Variants in TNNI3K observed in about 807,000 individuals in gnomAD.
TNNI3K encodes TNNI3 interacting kinase.
A neutral mutation model predicts 114.5 loss-of-function variants in TNNI3K; 140 were observed. The ratio of observed to expected loss-of-function variants is 1.22; its 90% CI spans 1.07 to 1.41. The LOEUF is 1.41. TNNI3K is among the 40% of genes most tolerant of loss of function. The pLI, the probability that TNNI3K is intolerant of heterozygous loss-of-function variation, is 0.00. For synonymous variants in TNNI3K, 347 were observed against 347.5 expected (o/e 1.00, Z 0.02); for missense variants, 1,125 against 1,007.6 (o/e 1.12, Z -1.58).
chr1:74,436,501 A>G lies in TNNI3K; in HGVS notation c.1853A>G (p.Glu618Gly). Residue 618 changes from glutamate to glycine, a missense_variant, in exon 19 of 25, where the codon GAA becomes GGA. Coordinates refer to ENST00000326637, the MANE Select transcript of TNNI3K (RefSeq NM_015978.3). ...TCAAGATTTCTACAGTCTCTGGATGAAGACAACATGACAAAACAACCTGGG... is the reference window on the plus strand; with the variant it reads ...TCAAGATTTCTACAGTCTCTGGATGGAGACAACATGACAAAACAACCTGGG... ...GESRFLQSLD[E>G]DNMTKQPGNL... 6.3e-7 allele frequency: 1 copy of G among 1,587,490 alleles called. No individual in the cohort carries two copies. The highest frequency in any genetic ancestry group is 8.5e-7 in the Non-Finnish European group (1 of 1,173,252).
rs746671271 is a variant in TNNI3K, at chr1:74,436,123, G to A, written c.1816G>A (p.Asp606Asn). The A allele has an allele frequency of 6.2e-7, 1 of 1,605,728 alleles. No homozygotes were observed. Among genetic ancestry groups the A allele is most frequent in the Non-Finnish European group, 8.5e-7 (1 of 1,176,824 alleles). Reference sequence around the variant, plus strand: ...TGAGGATGGGCATGCTGTGGTGGCAGATTTTGGAGGTGAGATACCCCAAAA... The same window carrying A: ...TGAGGATGGGCATGCTGTGGTGGCAAATTTTGGAGGTGAGATACCCCAAAA... ...LYEDGHAVVA[D>N]FGESRFLQSL... is the part of the protein sequence containing the mutation. The change falls in exon 18 of 25, where the codon GAT becomes AAT. Residue 606 changes from aspartate to asparagine, a missense_variant. Coordinates refer to ENST00000326637, the MANE Select transcript of TNNI3K (RefSeq NM_015978.3).
chr1:74,540,242 A>T lies in TNNI3K; in HGVS notation c.2360A>T (p.Gln787Leu), dbSNP rs1570759929. 1.2e-6 allele frequency: 2 copies of T among 1,612,116 alleles called. No homozygotes were observed. The highest frequency in any genetic ancestry group is 1.7e-6 in the Non-Finnish European group (2 of 1,178,946). ...TTTTATTAATTTTCCAGTGCTGGAC[A>T]ATATTCCTCTCAAGGTCTGTCTTTG... ...SYAALSQSAG[Q>L]YSSQGLSLEE... The change falls in exon 24 of 25, where the codon CAA (glutamine) becomes CTA (leucine). Residue 787 changes from glutamine to leucine, a missense_variant. Gln to Leu is a moderately radical substitution (Grantham distance 113, BLOSUM62 -2). Transcript: ENST00000326637.
chr1:74,353,288 A>ATTGACCTAGTC lies in TNNI3K; in HGVS notation c.956_966dup (p.Lys323LeufsTer3), dbSNP rs1553135371. On this transcript the variant is annotated frameshift_variant, in exon 10 of 25. Coordinates refer to ENST00000326637, the MANE Select transcript of TNNI3K (RefSeq NM_015978.3). LOFTEE classifies it high-confidence loss of function. ...CAGTGCTTGTACCTATGGCAAGAGC[A>ATTGACCTAGTC]TTGACCTAGTCAAATTTCTTCTTGA... 28 of 1,613,646 alleles carry ATTGACCTAGTC rather than the reference A, an allele frequency of 1.7e-5. No individual in the cohort carries two copies. Among genetic ancestry groups the ATTGACCTAGTC allele is most frequent in the Non-Finnish European group, 2.2e-5 (26 of 1,179,956 alleles).
chr1:74,533,545 A>G (rs1248736536), intron 23 of TNNI3K, among the ~76,000 whole-genome samples: 44 of 152,274 alleles, frequency 2.9e-4, no homozygotes, highest in African/African-American at 1.0e-3. Flanking sequence ...CATTTGACCC[A>G]GCCATCCTAT....
rs750804991 is a variant in TNNI3K, at chr1:74,343,190, A to G, written c.932+11A>G. On this transcript the variant is annotated intron_variant, in intron 9 of 24. Coordinates refer to ENST00000326637, the MANE Select transcript of TNNI3K (RefSeq NM_015978.3). ...AACAGCTTTTCATAGGTAAAAGAAT[A>G]TTTAAGTGCAATAGCCACTAAACTT... The G allele has an allele frequency of 4.4e-6, 7 of 1,602,150 alleles. No individual in the cohort carries two copies. In the South Asian group the frequency reaches 5.6e-5, roughly 13 times the overall value.
At chr1:74,331,573 A>G in intron 6 of TNNI3K, 25 bp downstream of exon 6, 1 of 1,600,290 alleles carries the variant, frequency 6.2e-7, no homozygotes, top group Non-Finnish European at 8.5e-7. Context: ...AGGATTTCCA[A>G]AGGTTAGGTG....
intron 21 of TNNI3K, among the ~76,000 whole-genome samples, chr1:74,479,428 T>C (rs1668365364): frequency 6.6e-6 from 1 of 152,196 alleles, no homozygotes; most frequent in African/African-American, 2.4e-5. Flanking sequence ...TGGGGAAGTA[T>C]GGGCCAAGTT....
At chr1:74,359,281 A>G (rs963220625) in intron 11 of TNNI3K, among the ~76,000 whole-genome samples, 2 of 152,090 alleles carry the variant, frequency 1.3e-5, no homozygotes, top group Non-Finnish European at 2.9e-5. Flanking sequence ...AGTGCTTGGC[A>G]CATAACAGAG....
chr1:74,387,083 A>G (rs1022846185), intron 17 of TNNI3K, among the ~76,000 whole-genome samples: 4 of 152,164 alleles, frequency 2.6e-5, no homozygotes, highest in African/African-American at 9.7e-5. Flanking sequence ...CATTTAACAG[A>G]TAGTTTTTGC....
chr1:74,448,374 G>A (rs1666808079), intron 20 of TNNI3K, among the ~76,000 whole-genome samples: 1 of 147,780 alleles, frequency 6.8e-6, no homozygotes, highest in Non-Finnish European at 1.5e-5. Context: ...CTGAGACAAT[G>A]GGGTTTTCTA....
At chr1:74,430,618 G>A (rs1384376912) in intron 17 of TNNI3K, among the ~76,000 whole-genome samples, 1 of 152,090 alleles carries the variant, frequency 6.6e-6, no homozygotes, top group East Asian at 1.9e-4. Flanking sequence ...ATTCCACTAA[G>A]TGCATGCATT....
At chr1:74,331,173 G>A (rs775961135) in intron 5 of TNNI3K, among the ~76,000 whole-genome samples, 15 of 152,036 alleles carry the variant, frequency 9.9e-5, no homozygotes, top group Non-Finnish European at 1.8e-4. Context: ...GATGCAGTTT[G>A]ACTCTACAAT....
intron 23 of TNNI3K, among the ~76,000 whole-genome samples, chr1:74,509,776 T>C (rs1290412621): frequency 9.9e-6 from 1 of 101,424 alleles, no homozygotes; most frequent in East Asian, 3.4e-4. Context: ...TTTTTTTTTT[T>C]TGAGACAGGG....
In TNNI3K at chr1:74,378,629, T is replaced by A. The variant is rs950547453; in HGVS notation, c.1772+8237T>A. The A allele has an allele frequency of 1.8e-3, 240 of 135,786 alleles. 3 individuals are homozygous for A. The highest frequency in any genetic ancestry group is 6.2e-3 in the African/African-American group (227 of 36,422). The allele number at this position is 135,786 out of a possible 1,614,324, so 8.4% of individuals were successfully genotyped here. A position where few individuals can be genotyped will look rare whatever the true frequency, so the allele number is the denominator to read the frequency against. On this transcript the variant is annotated intron_variant, in intron 17 of 24. Coordinates refer to ENST00000326637, the MANE Select transcript of TNNI3K (RefSeq NM_015978.3). ...ATATATATATATATATATATATATA[T>A]ATATATATATATTTCATTTCATCAC...
intron 5 of TNNI3K, among the ~76,000 whole-genome samples, chr1:74,272,698 A>G (rs1202001991): frequency 6.6e-6 from 1 of 151,938 alleles, no homozygotes; most frequent in African/African-American, 2.4e-5. Flanking sequence ...TCTTAAATTT[A>G]AAGTATTAAT....
chr1:74,406,114 T>C (rs1664600273), intron 17 of TNNI3K, among the ~76,000 whole-genome samples: 1 of 152,204 alleles, frequency 6.6e-6, no homozygotes, highest in Admixed American at 6.5e-5. Context: ...ACTTCTGAAC[T>C]ATTCAGGTTG....
chr1:74,480,767 G>A (rs866114375), intron 21 of TNNI3K: 4 of 717,406 alleles, frequency 5.6e-6, no homozygotes, highest in South Asian at 4.4e-5. Flanking sequence ...ATCAGTGAGC[G>A]AAGAGCTGGA....
chr1:74,249,643 T>A (rs1654807096), intron 3 of TNNI3K, 99 bp downstream of exon 3: 2 of 1,194,458 alleles, frequency 1.7e-6, no homozygotes, highest in Non-Finnish European at 1.1e-6. Context: ...CTATTCATAC[T>A]CAATTTTCCC....
rs1646674803 is a variant in TNNI3K, at chr1:74,537,537, C to A, written c.2352-2697C>A. Among the ~76,000 whole-genome samples the A allele has an allele frequency of 2.0e-5, 3 of 152,134 alleles. No individual in the cohort carries two copies. In the South Asian group the frequency reaches 6.2e-4, roughly 32 times the overall value. On this transcript the variant is annotated intron_variant, in intron 23 of 24. Transcript: ENST00000326637. ...TAGCTTTCAGGAAAAACTGATGTCT[C>A]CAAATGAACATTTTGTAATAATTTA...
Sources: gnomAD v4.1 joint callset for allele counts (sites outside exome capture counted in the v4.1 genomes callset) on GRCh38, gnomAD v4.1.1 for gene constraint, MANE v1.5 for transcripts, NCBI Gene and HGNC (gene_info 2026-07-23, HGNC 2026-07-21) for gene names.